Variants in VWA5B2 observed in about 807,000 individuals in gnomAD.
VWA5B2 encodes von Willebrand factor A domain containing 5B2.
A neutral mutation model predicts 118.5 loss-of-function variants in VWA5B2; 93 were observed. The observed-to-expected ratio is 0.79, with a 90% CI of 0.66 to 0.93. VWA5B2 has a LOEUF of 0.93. VWA5B2 is among the 40% of genes least tolerant of loss of function. The pLI, the probability that VWA5B2 is intolerant of heterozygous loss-of-function variation, is 0.00. For missense variants in VWA5B2, 1,546 were observed against 1,672.8 expected, an observed-to-expected ratio of 0.92 and a Z score of 1.32; for synonymous variants, 708 against 716.3, an observed-to-expected ratio of 0.99 and a Z score of 0.19.
rs1718205568 is a variant in VWA5B2 at position 184,238,288 on chromosome 3, T to C, written c.1720-15T>C. 1.4e-6 allele frequency: 2 copies of C among 1,470,408 alleles called. No homozygotes were observed. Among genetic ancestry groups the C allele is most frequent in the Non-Finnish European group, 1.8e-6 (2 of 1,105,882 alleles). The allele number at this position is 1,470,408 out of a possible 1,614,324, so 91.1% of individuals were successfully genotyped here. On this transcript the variant is annotated splice_polypyrimidine_tract_variant and intron_variant, in intron 12 of 19. Transcript: ENST00000691901. This position sits in a 1 kb window ranked among gnomAD's most constrained non-coding sequence, Gnocchi z 5.0. ...TAACTGCAGTTAATTTTTTTCCCAATAATATTCTCTCTAGGGCCAAGAGCC... is the reference window on the plus strand; with the variant it reads ...TAACTGCAGTTAATTTTTTTCCCAACAATATTCTCTCTAGGGCCAAGAGCC...
At chr3:184,231,610 CCTGT>C (rs1206639774) in intron 3 of VWA5B2, among the ~76,000 whole-genome samples, 1 of 152,242 alleles carries the variant, frequency 6.6e-6, no homozygotes, top group Non-Finnish European at 1.5e-5. Context: ...CACAGATCTG[CCTGT>C]CTGTCTCCCC....
intron 7 of VWA5B2, 47 bp downstream of exon 7, chr3:184,234,802 G>C: frequency 3.2e-6 from 5 of 1,549,700 alleles, no homozygotes; most frequent in Non-Finnish European, 4.4e-6. Context: ...GGCTGCATTT[G>C]TGCACAAGGA....
Position 184,233,349 on chromosome 3 carries a change from C to G in VWA5B2, c.482C>G (p.Pro161Arg). 3 of 1,539,672 alleles carry G rather than the reference C, an allele frequency of 1.9e-6. No individual in the cohort carries two copies. Among genetic ancestry groups the G allele is most frequent in the Non-Finnish European group, 2.6e-6 (3 of 1,142,334 alleles). The change falls in exon 4 of 20, where the codon CCG becomes CGG. Residue 161 changes from proline to arginine, a missense_variant. Transcript: ENST00000691901. This position sits in a 1 kb window ranked among gnomAD's most constrained non-coding sequence, Gnocchi z 5.2. Reference sequence around the variant, plus strand: ...CCCACTGTGCTCACCCCGCTGGCCCCGCCAGGCCCGCCGGGGCCCCCCAGG... The same window carrying G: ...CCCACTGTGCTCACCCCGCTGGCCCGGCCAGGCCCGCCGGGGCCCCCCAGG... Reference protein sequence around the residue: ...ALPTVLTPLAPPGPPGPPRPP... With the variant: ...ALPTVLTPLARPGPPGPPRPP...
In VWA5B2 at chr3:184,233,515, C is replaced by T. The variant is rs1481061032; in HGVS notation, c.531-61C>T. ...AGGGTGAGGAAGGGCTGGGGCCAGT[C>T]AGCCGGAGGGTTTAGGGGCCTTCAC... On this transcript the variant is annotated intron_variant, in intron 4 of 19. Transcript: ENST00000691901. This position sits in a 1 kb window ranked among gnomAD's most constrained non-coding sequence, Gnocchi z 5.2. 3.9e-6 allele frequency: 6 copies of T among 1,522,062 alleles called. No individual in the cohort carries two copies. The South Asian group carries it at 7.6e-5, about 19-fold the overall frequency. The allele number at this position is 1,522,062 out of a possible 1,614,324, so 94.3% of individuals were successfully genotyped here.
chr3:184,232,713 A>C, intron 3 of VWA5B2: 1 of 160,282 alleles, frequency 6.2e-6, no homozygotes. Context: ...CGGGAGGAGT[A>C]GAGAATTCTG....
intron 7 of VWA5B2, 52 bp from the exon 8 acceptor site, chr3:184,235,101 A>G (rs1717828627): frequency 1.3e-6 from 2 of 1,530,364 alleles, no homozygotes. Context: ...GCCCACCCTC[A>G]ACAAAGTAGC....
At position 184,237,109 on chromosome 3, in the gene VWA5B2, G is replaced by A; in HGVS notation, c.1534-117G>A. The stretch of plus-strand genomic sequence containing the variant: ...TCTCCTGACCCCAGCCTGGCCCTGT[G>A]CCCCATCAGCTTAGGGGCTGGGCAG... On this transcript the variant is annotated intron_variant, in intron 11 of 19. Coordinates refer to ENST00000691901, the MANE Select transcript of VWA5B2 (RefSeq NM_001390846.1). This position sits in a 1 kb window ranked among gnomAD's most constrained non-coding sequence, Gnocchi z 5.6. 8.6e-7 allele frequency: 1 copy of A among 1,162,390 alleles called. No homozygotes were observed. The highest frequency in any genetic ancestry group is 1.5e-5 in the South Asian group (1 of 66,508). 72.0% of individuals were successfully genotyped at this position (1,162,390 alleles called of 1,614,324 possible). A position where few individuals can be genotyped will look rare whatever the true frequency, so the allele number is the denominator to read the frequency against.
chr3:184,237,087 C>A lies in VWA5B2; in HGVS notation c.1534-139C>A. 1.0e-6 allele frequency: 1 copy of A among 961,700 alleles called. No individual in the cohort carries two copies. The highest frequency in any genetic ancestry group is 1.5e-6 in the Non-Finnish European group (1 of 655,912). The allele number at this position is 961,700 out of a possible 1,614,324, so 59.6% of individuals were successfully genotyped here. A position where few individuals can be genotyped will look rare whatever the true frequency, so the allele number is the denominator to read the frequency against. On this transcript the variant is annotated intron_variant, in intron 11 of 19. Coordinates refer to ENST00000691901, the MANE Select transcript of VWA5B2 (RefSeq NM_001390846.1). The surrounding 1 kb of genome is among the most constrained non-coding windows in gnomAD (Gnocchi z 5.6). ...GCTTGCTCCTACCCTCATTCCTTCT[C>A]CTGACCCCAGCCTGGCCCTGTGCCC...
At chr3:184,232,250 A>AAGG (rs1339551460) in intron 3 of VWA5B2, among the ~76,000 whole-genome samples, 4 of 152,104 alleles carry the variant, frequency 2.6e-5, no homozygotes, top group Admixed American at 6.6e-5. Flanking sequence ...TCCTCACCAC[A>AAGG]ATCACAGAGT....
chr3:184,234,243 C>CT, intron 5 of VWA5B2, 23 bp from the exon 6 acceptor site: 3 of 1,550,466 alleles, frequency 1.9e-6, no homozygotes, highest in Non-Finnish European at 2.6e-6. Context: ...TACATCTCCC[C>CT]TTCCTGCCTC....
At position 184,233,490 on chromosome 3, in the gene VWA5B2, A is replaced by C. The variant is rs1050118885; in HGVS notation, c.531-86A>C. Reference sequence around the variant, plus strand: ...ACTGGCAGGGTACCCAGGGATGGGAAGGGTGAGGAAGGGCTGGGGCCAGTC... The same window carrying C: ...ACTGGCAGGGTACCCAGGGATGGGACGGGTGAGGAAGGGCTGGGGCCAGTC... On this transcript the variant is annotated intron_variant, in intron 4 of 19. Coordinates refer to ENST00000691901, the MANE Select transcript of VWA5B2 (RefSeq NM_001390846.1). This position sits in a 1 kb window ranked among gnomAD's most constrained non-coding sequence, Gnocchi z 5.2. 1.3e-6 allele frequency: 2 copies of C among 1,508,324 alleles called. No individual in the cohort carries two copies. The highest frequency in any genetic ancestry group is 1.8e-6 in the Non-Finnish European group (2 of 1,125,418). 93.4% of individuals were successfully genotyped at this position (1,508,324 alleles called of 1,614,324 possible). A position where few individuals can be genotyped will look rare whatever the true frequency, so the allele number is the denominator to read the frequency against.
At position 184,233,380 on chromosome 3, in the gene VWA5B2, G is replaced by A. The variant is rs775300030; in HGVS notation, c.513G>A (p.Pro171=). 9 of 1,537,718 alleles carry A rather than the reference G, an allele frequency of 5.9e-6. No homozygotes were observed. Among genetic ancestry groups the A allele is most frequent in the African/African-American group, 2.8e-5 (2 of 72,584 alleles). ...PPGPPGPPRP[P]GLCDDSPTSC... ...GCCCGCCGGGGCCCCCCAGGCCTCC[G>A]GGGCTCTGTGACGACAGGTTGGGCC... The change falls in exon 4 of 20, where the codon CCG becomes CCA. Residue 171 remains proline, a synonymous_variant. Coordinates refer to ENST00000691901, the MANE Select transcript of VWA5B2 (RefSeq NM_001390846.1). The surrounding 1 kb of genome is among the most constrained non-coding windows in gnomAD (Gnocchi z 5.2).
chr3:184,233,945 A>C lies in VWA5B2; in HGVS notation c.688+212A>C, dbSNP rs192736921. On this transcript the variant is annotated intron_variant, in intron 5 of 19. Transcript: ENST00000691901. This position sits in a 1 kb window ranked among gnomAD's most constrained non-coding sequence, Gnocchi z 5.2. ...AATTTTATCAAGGTAATTTATTTAT[A>C]TCTCATCCCACCCAGCAGTGGGAAG... 2.6e-5 allele frequency among the ~76,000 whole-genome samples: 4 copies of C among 152,314 alleles called. No individual in the cohort carries two copies. The highest frequency in any genetic ancestry group is 9.6e-5 in the African/African-American group (4 of 41,566).
Position 184,239,584 on chromosome 3 carries a change from G to T in VWA5B2, c.2392+1G>T. On this transcript the variant is annotated splice_donor_variant, in intron 15 of 19. Coordinates refer to ENST00000691901, the MANE Select transcript of VWA5B2 (RefSeq NM_001390846.1). LOFTEE classifies it high-confidence loss of function. This position sits in a 1 kb window ranked among gnomAD's most constrained non-coding sequence, Gnocchi z 5.1. The stretch of plus-strand genomic sequence containing the variant: ...TTGGGACAAGGCCTGGATGACTCAG[G>T]TAAGTGTTGGATGGGGAGCTGGTTT... 10 of 1,513,444 alleles carry T rather than the reference G, an allele frequency of 6.6e-6. No homozygotes were observed. The highest frequency in any genetic ancestry group is 8.9e-6 in the Non-Finnish European group (10 of 1,122,506). 93.8% of individuals were successfully genotyped at this position (1,513,444 alleles called of 1,614,324 possible).
chr3:184,240,780 TG>T lies in VWA5B2; in HGVS notation c.2741-9del. 1 of 1,550,172 alleles carries T rather than the reference TG, an allele frequency of 6.5e-7. No homozygotes were observed. The highest frequency in any genetic ancestry group is 1.2e-5 in the South Asian group (1 of 84,004). The stretch of plus-strand genomic sequence containing the variant: ...GGTGGGGGCTCCACAGACTGCTCCT[TG>T]GTTCCACAGGCCATGCCCGGAGGTG... On this transcript the variant is annotated splice_polypyrimidine_tract_variant and intron_variant, in intron 16 of 19. Transcript: ENST00000691901.
Position 184,236,525 on chromosome 3 carries a change from C to T in VWA5B2, c.1395C>T (p.Leu465=). 6.5e-7 allele frequency: 1 copy of T among 1,549,828 alleles called. No homozygotes were observed. Among genetic ancestry groups the T allele is most frequent in the Non-Finnish European group, 8.7e-7 (1 of 1,146,982 alleles). The change falls in exon 10 of 20, where the codon CTC becomes CTT. Residue 465 remains leucine, a synonymous_variant. Transcript: ENST00000691901. ...CCACTACCCACCGAACCCTGGAGCT[C>T]ATGAGGTGGCACAGGGGGACAGCCA... The part of the protein sequence containing the change: ...MAATTHRTLE[L]MRWHRGTARC...
At position 184,239,081 on chromosome 3, in the gene VWA5B2, G is replaced by A. The variant is rs888608057; in HGVS notation, c.2202+208G>A. ...AGTCAGGGTGACTAATTCTGCCTGA[G>A]AGAGTCAGGAAAGTCAGAGCCATAT... On this transcript the variant is annotated intron_variant, in intron 14 of 19. Coordinates refer to ENST00000691901, the MANE Select transcript of VWA5B2 (RefSeq NM_001390846.1). This position sits in a 1 kb window ranked among gnomAD's most constrained non-coding sequence, Gnocchi z 5.1. Among the ~76,000 whole-genome samples, 3 of 151,894 alleles carry A rather than the reference G, an allele frequency of 2.0e-5. No homozygotes were observed. The highest frequency in any genetic ancestry group is 7.3e-5 in the African/African-American group (3 of 41,160).
chr3:184,242,100 G>C lies in VWA5B2; in HGVS notation c.*62G>C. 1 of 1,527,164 alleles carries C rather than the reference G, an allele frequency of 6.5e-7. No homozygotes were observed. The highest frequency in any genetic ancestry group is 1.4e-5 in the African/African-American group (1 of 72,898). 94.6% of individuals were successfully genotyped at this position (1,527,164 alleles called of 1,614,324 possible). ...AACACACTCAAGTCACTGCCGCCCAGGGCTGGCCTCTTGGTGCTGGGAAAG... is the reference window on the plus strand; with the variant it reads ...AACACACTCAAGTCACTGCCGCCCACGGCTGGCCTCTTGGTGCTGGGAAAG... On this transcript the variant is annotated 3_prime_UTR_variant, in exon 20 of 20. Transcript: ENST00000691901.
intron 3 of VWA5B2, among the ~76,000 whole-genome samples, chr3:184,231,390 C>T (rs1236124988): frequency 6.6e-6 from 1 of 152,228 alleles, no homozygotes; most frequent in Non-Finnish European, 1.5e-5. Context: ...GTACCGCTGC[C>T]GCTGGCCACA....
Sources: allele counts gnomAD v4.1 joint callset (sites outside exome capture counted in the v4.1 genomes callset), GRCh38; gene constraint gnomAD v4.1.1; non-coding constraint Gnocchi (gnomAD v3.1); transcripts MANE v1.5; gene names NCBI Gene and HGNC (gene_info 2026-07-23, HGNC 2026-07-21).